Variants in PHKA1 observed in about 807,000 individuals in gnomAD.
The protein encoded by PHKA1 is phosphorylase kinase regulatory subunit alpha 1, also known as phosphorylase b kinase regulatory subunit alpha, skeletal muscle isoform.
PHKA1 carries 60 observed loss-of-function variants against 110.2 expected under a neutral mutation model. The observed-to-expected ratio is 0.54, with a 90% CI of 0.44 to 0.68. The LOEUF is 0.68. PHKA1 is among the 30% of genes least tolerant of loss of function. The probability of loss-of-function intolerance (pLI) is 0.00; values close to 1 mark genes in which losing one functional copy is unlikely to be tolerated. For missense variants in PHKA1, 801 were observed against 942.5 expected, an observed-to-expected ratio of 0.85 and a Z score of 1.97; for synonymous variants, 316 against 333.6, an observed-to-expected ratio of 0.95 and a Z score of 0.58.
At chrX:72,671,215 G>T (rs1417357293) in intron 6 of PHKA1, among the ~76,000 whole-genome samples, 6 of 111,766 alleles carry the variant, frequency 5.4e-5, no homozygotes, top group African/African-American at 2.0e-4. Flanking sequence ...ATCTCCTCAA[G>T]CTGATAAGCA....
intron 6 of PHKA1, 137 bp from the exon 7 acceptor site, chrX:72,667,610 T>A: frequency 2.0e-6 from 1 of 510,409 alleles, no homozygotes; most frequent in Non-Finnish European, 3.4e-6. Flanking sequence ...TACAAAAACA[T>A]TATTTATTCC....
intron 4 of PHKA1, among the ~76,000 whole-genome samples, chrX:72,694,864 T>C (rs1474340329): frequency 8.9e-6 from 1 of 111,870 alleles, no homozygotes; most frequent in Non-Finnish European, 1.9e-5. Flanking sequence ...AGAGTTATAG[T>C]TGTCATTCTA....
In PHKA1 at chrX:72,618,840, C is replaced by G. The variant is rs781857022; in HGVS notation, c.2239G>C (p.Val747Leu). ...HPRQENQVPS[V>L]RVEIHLPRDQ... ...CTAGGAAGATGTATTTCTACACGAA[C>G]AGAGGGAACCTTTAGTTTGAGAAAT... Residue 747 changes from valine to leucine, a missense_variant, in exon 21 of 32, where the codon GTT (valine) becomes CTT (leucine). Physicochemically the swap from Val to Leu is conservative, Grantham distance 32 (BLOSUM62 1). Around this residue, in one of 2 missense-constraint regions of PHKA1, gnomAD observed 502 missense variants for 519.2 expected, o/e 0.97. Coordinates refer to ENST00000373542, the MANE Select transcript of PHKA1 (RefSeq NM_002637.4). 2 of 1,203,808 alleles carry G rather than the reference C, an allele frequency of 1.7e-6. No individual in the cohort carries two copies. The highest frequency in any genetic ancestry group is 3.0e-5 in the East Asian group (1 of 33,792).
In PHKA1 at chrX:72,656,145, C is replaced by T. The variant is rs781898187; in HGVS notation, c.1016G>A (p.Gly339Glu). The T allele has an allele frequency of 1.1e-5, 13 of 1,210,123 alleles. No individual in the cohort carries two copies. Among genetic ancestry groups the T allele is most frequent in the Admixed American group, 2.2e-5 (1 of 46,027 alleles). Reference protein sequence around the residue: ...PLFWTYFILDGVFSGNAEQVQ... With the variant: ...PLFWTYFILDEVFSGNAEQVQ... ...CTGTTCTGCATTGCCACTGAAGACCCCATCAAGAATAAAGTATGTCCAGAA... is the reference window on the plus strand; with the variant it reads ...CTGTTCTGCATTGCCACTGAAGACCTCATCAAGAATAAAGTATGTCCAGAA... The change falls in exon 10 of 32, where the codon GGG (glycine) becomes GAG (glutamate). Residue 339 changes from glycine (G) to glutamate (E), a missense_variant. Physicochemically the swap from Gly to Glu is moderately conservative, Grantham distance 98. Around this residue, in one of 2 missense-constraint regions of PHKA1, gnomAD observed 299 missense variants for 423.3 expected, o/e 0.71. Transcript: ENST00000373542.
intron 5 of PHKA1, among the ~76,000 whole-genome samples, chrX:72,677,481 T>A (rs1403923000): frequency 8.9e-6 from 1 of 112,016 alleles, no homozygotes; most frequent in African/African-American, 3.2e-5. Flanking sequence ...CAGAAACAAT[T>A]ATTACAGTGG....
rs782586192 is a variant in PHKA1, at chrX:72,668,512, C to T, written c.619-1039G>A. On this transcript the variant is annotated intron_variant, in intron 6 of 31. Transcript: ENST00000373542. ...TAAAAAATGGTATATCTGTTGCATT[C>T]ATATGCATTAAATTGTTAACAAGAT... Among the ~76,000 whole-genome samples the T allele has an allele frequency of 1.6e-4, 18 of 111,855 alleles. No individual in the cohort carries two copies. In the South Asian group the frequency reaches 4.6e-3, roughly 28 times the overall value.
chrX:72,696,654 A>G (rs1556327546), intron 3 of PHKA1, among the ~76,000 whole-genome samples: 1 of 111,823 alleles, frequency 8.9e-6, no homozygotes, highest in Non-Finnish European at 1.9e-5. Context: ...ATGTCTCTCA[A>G]AAATGTATAA....
intron 4 of PHKA1, among the ~76,000 whole-genome samples, chrX:72,692,325 TTGTC>T (rs782628733): frequency 1.8e-5 from 2 of 111,849 alleles, no homozygotes; most frequent in Non-Finnish European, 3.8e-5. Context: ...TGTGATATCT[TTGTC>T]TGGTTTTAGC....
At chrX:72,647,504 T>C (rs905807831) in intron 13 of PHKA1, among the ~76,000 whole-genome samples, 4 of 111,945 alleles carry the variant, frequency 3.6e-5, no homozygotes, top group Non-Finnish European at 7.5e-5. Context: ...GTCATTAGCA[T>C]AGAAAGAGAT....
intron 28 of PHKA1, among the ~76,000 whole-genome samples, chrX:72,600,374 G>A (rs1556241018): frequency 9.0e-6 from 1 of 111,441 alleles, no homozygotes; most frequent in Non-Finnish European, 1.9e-5. Context: ...GAACTTATAA[G>A]TAATACTGAG....
At position 72,581,173 on chromosome X, in the gene PHKA1, T is replaced by G. The variant is rs782682520; in HGVS notation, c.3501A>C (p.Lys1167Asn). 8.5e-7 allele frequency: 1 copy of G among 1,180,055 alleles called. No homozygotes were observed. The highest frequency in any genetic ancestry group is 2.2e-5 in the Admixed American group (1 of 45,936). ...ACATGGTATCATCTGCGCCAAGGGT[T>G]TTCTGTTTGGTTTTTAAGGGTAGAA... is the stretch of plus-strand genomic sequence containing the variant. ...IANDLFLQEQ[K>N]TLGADDTMLA... is the part of the protein sequence containing the mutation. Residue 1167 changes from lysine to asparagine, a missense_variant and splice_region_variant, in exon 32 of 32, where the codon AAA becomes AAC. By Grantham distance (94) the Lys-to-Asn change is moderately conservative. This residue lies in a region of PHKA1 where 502 missense variants were observed against 519.2 expected (regional missense o/e 0.97). Transcript: ENST00000373542.
intron 19 of PHKA1, among the ~76,000 whole-genome samples, chrX:72,620,254 T>C (rs2052956594): frequency 9.0e-6 from 1 of 111,333 alleles, no homozygotes; most frequent in Non-Finnish European, 1.9e-5. Context: ...CTCCTGGCAA[T>C]GTGTGGCAGA....
At chrX:72,711,113 G>A (rs901309503) in intron 2 of PHKA1, among the ~76,000 whole-genome samples, 1 of 109,165 alleles carries the variant, frequency 9.2e-6, no homozygotes, top group Admixed American at 9.8e-5. Context: ...CGCCCGCCTC[G>A]GCCTCCCAAA....
chrX:72,673,682 T>TA (rs1237785982), intron 6 of PHKA1, among the ~76,000 whole-genome samples: 30 of 105,193 alleles, frequency 2.9e-4, no homozygotes, highest in African/African-American at 9.3e-4. Flanking sequence ...AGCATATGAT[T>TA]AAAAAAAAAA....
At chrX:72,665,100 A>G (rs1289372187) in intron 8 of PHKA1, among the ~76,000 whole-genome samples, 1 of 111,663 alleles carries the variant, frequency 9.0e-6, no homozygotes, top group East Asian at 2.8e-4. Flanking sequence ...GCCAAAAAAT[A>G]CAAAAGATCA....
At chrX:72,656,406 G>A (rs1799502963) in intron 9 of PHKA1, among the ~76,000 whole-genome samples, 164 bp from the exon 10 acceptor site, 1 of 112,327 alleles carries the variant, frequency 8.9e-6, no homozygotes, top group African/African-American at 3.2e-5. Context: ...TCTATGATGC[G>A]ACTTCTAACT....
At chrX:72,705,624 A>AT (rs1310386886) in intron 2 of PHKA1, among the ~76,000 whole-genome samples, 5 of 111,967 alleles carry the variant, frequency 4.5e-5, no homozygotes, top group Non-Finnish European at 7.5e-5. Flanking sequence ...CATTGCTTTC[A>AT]TTTTTTCTAA....
At chrX:72,680,595 C>T (rs1327988387) in intron 5 of PHKA1, among the ~76,000 whole-genome samples, 1 of 108,930 alleles carries the variant, frequency 9.2e-6, no homozygotes. Flanking sequence ...GAAAGTTTTT[C>T]GAGGGAGCCC....
At chrX:72,593,348 T>TC in intron 28 of PHKA1, 74 bp from the exon 29 acceptor site, 1 of 874,182 alleles carries the variant, frequency 1.1e-6, no homozygotes, top group South Asian at 2.1e-5. Context: ...GAACTTTTTT[T>TC]TTTTTTGAGA....
Sources: gnomAD v4.1 joint callset for allele counts (sites outside exome capture counted in the v4.1 genomes callset) on GRCh38, gnomAD v4.1.1 for gene constraint, gnomAD v4.1.1 regional missense constraint, MANE v1.5 for transcripts, NCBI Gene and HGNC (gene_info 2026-07-23, HGNC 2026-07-21) for gene names.